The following TANK variants were observed in gnomAD, a reference collection of about 807,000 sequenced individuals.
TANK encodes the protein TRAF family member associated NFKB activator, also known as TRAF family member-associated NF-kappa-B activator.
TANK carries 15 observed loss-of-function variants against 43.6 expected under a neutral mutation model. The ratio of observed to expected loss-of-function variants is 0.34; its 90% CI spans 0.23 to 0.53. The LOEUF (loss-of-function observed/expected upper bound fraction) is 0.53, where lower values mean the gene tolerates loss of function less well. TANK is among the 20% of genes least tolerant of loss of function. The probability of loss-of-function intolerance (pLI) is 0.94; values close to 1 mark genes in which losing one functional copy is unlikely to be tolerated. For missense variants in TANK, 417 were observed against 498.6 expected (o/e 0.84, Z 1.56); for synonymous variants, 162 against 178.2 (o/e 0.91, Z 0.73).
chr2:161,222,008 A>G (rs1368212158), intron 4 of TANK, among the ~76,000 whole-genome samples: 1 of 152,078 alleles, frequency 6.6e-6, no homozygotes. Context: ...ATCAAATCCA[A>G]ACATCACAGA....
intron 4 of TANK, chr2:161,216,295 C>G: frequency 2.3e-6 from 1 of 427,768 alleles, no homozygotes. Context: ...GTCTGCTAGA[C>G]GGCCAAATGG....
At position 161,231,122 on chromosome 2, in the gene TANK, C is replaced by T; in HGVS notation, c.672C>T (p.Thr224=). Residue 224 remains threonine (T), a synonymous_variant, in exon 7 of 8, where the codon ACC becomes ACT. Coordinates refer to ENST00000392749, the MANE Select transcript of TANK (RefSeq NM_001199135.3). ...GACTGTGCAGAGATGAGGAAGACAC[C>T]TCTTTTGAATCACTTTCTAAATTCA... ...PRGLCRDEED[T]SFESLSKFNV... The T allele has an allele frequency of 6.2e-7, 1 of 1,614,064 alleles. No individual in the cohort carries two copies.
chr2:161,159,153 A>G (rs997158040), upstream of TANK: 8 of 152,202 alleles, frequency 5.3e-5, no homozygotes, highest in Non-Finnish European at 1.2e-4. Flanking sequence ...ACAAAACTAA[A>G]CATTCTCTTA....
chr2:161,211,810 T>A, intron 4 of TANK: 1 of 985,358 alleles, frequency 1.0e-6, no homozygotes. Context: ...GAGAAAAACG[T>A]GTTTGTGTGT....
intron 2 of TANK, among the ~76,000 whole-genome samples, chr2:161,193,393 G>C (rs1313039233): frequency 6.6e-6 from 1 of 152,184 alleles, no homozygotes; most frequent in Non-Finnish European, 1.5e-5. Context: ...ATTACAGAGA[G>C]ACTAAGAAAT....
At chr2:161,148,803 C>T (rs1023233123) in intron 1 of TANK, among the ~76,000 whole-genome samples, 8 of 151,920 alleles carry the variant, frequency 5.3e-5, no homozygotes, top group African/African-American at 1.5e-4. Flanking sequence ...GTCTTGGCAC[C>T]CTTATAAGTG....
chr2:161,214,901 G>T (rs1687051386), intron 4 of TANK, among the ~76,000 whole-genome samples: 1 of 152,180 alleles, frequency 6.6e-6, no homozygotes, highest in African/African-American at 2.4e-5. Context: ...GCTTATACAT[G>T]CAATGGTTAC....
chr2:161,156,248 T>A (rs1454617018), upstream of TANK: 8 of 985,324 alleles, frequency 8.1e-6, no homozygotes, highest in Non-Finnish European at 9.6e-6. Context: ...GCTTTTACTC[T>A]AATCATTGAT....
rs187627446 is a variant in TANK at position 161,224,592 on chromosome 2, T to C, written c.405-39T>C. ...TTGATTATTTAAAAAACTTGGAAGT[T>C]ATAGCTTTACATTTTAAAATGTTGA... is the stretch of plus-strand genomic sequence containing the variant. On this transcript the variant is annotated intron_variant, in intron 5 of 7. Coordinates refer to ENST00000392749, the MANE Select transcript of TANK (RefSeq NM_001199135.3). 1.5e-3 allele frequency: 1,525 copies of C among 1,023,394 alleles called. 15 individuals are homozygous for C. The highest frequency in any genetic ancestry group is 0.011 in the South Asian group (575 of 54,190). The allele number at this position is 1,023,394 out of a possible 1,614,324, so 63.4% of individuals were successfully genotyped here.
chr2:161,200,321 GA>G, intron 2 of TANK: 1 of 981,664 alleles, frequency 1.0e-6, no homozygotes, highest in Non-Finnish European at 1.2e-6. Context: ...AAAATACTAT[GA>G]CTGTGCAACA....
At chr2:161,185,057 G>A (rs973496142) in intron 2 of TANK, among the ~76,000 whole-genome samples, 3 of 152,116 alleles carry the variant, frequency 2.0e-5, no homozygotes, top group Non-Finnish European at 4.4e-5. Flanking sequence ...TCAGAACATA[G>A]GTTAAGCAAT....
At chr2:161,182,257 A>G (rs1002522233) in intron 2 of TANK, among the ~76,000 whole-genome samples, 3 of 152,074 alleles carry the variant, frequency 2.0e-5, no homozygotes, top group African/African-American at 7.2e-5. Flanking sequence ...ATGTCTTCCA[A>G]TTCAGTTCCA....
Position 161,231,230 on chromosome 2 carries a change from G to A in TANK, c.780G>A (p.Thr260=), listed in dbSNP as rs142460004. 49 of 1,613,850 alleles carry A rather than the reference G, an allele frequency of 3.0e-5. No individual in the cohort carries two copies. Among genetic ancestry groups the A allele is most frequent in the African/African-American group, 1.2e-4 (9 of 74,906 alleles). The change falls in exon 7 of 8, where the codon ACG becomes ACA. Residue 260 remains threonine (T), a synonymous_variant. Transcript: ENST00000392749. The part of the protein sequence containing the change: ...PERPGILSPA[T]SEAVCQEKFN... ...GACCCGGCATCCTTAGTCCTGCCACGTCTGAGGCAGTGTGCCAAGAGAAAT... is the reference window on the plus strand; with the variant it reads ...GACCCGGCATCCTTAGTCCTGCCACATCTGAGGCAGTGTGCCAAGAGAAAT...
intron 1 of TANK, among the ~76,000 whole-genome samples, chr2:161,175,333 C>G (rs1399230582): frequency 6.6e-6 from 1 of 152,078 alleles, no homozygotes; most frequent in African/African-American, 2.4e-5. Flanking sequence ...TAATCTAGTT[C>G]ATAACACAGC....
intron 2 of TANK, among the ~76,000 whole-genome samples, chr2:161,196,615 C>T (rs1395390160): frequency 6.6e-6 from 1 of 151,958 alleles, no homozygotes; most frequent in East Asian, 1.9e-4. Flanking sequence ...AGCACTATGG[C>T]AGGCCGAGGC....
chr2:161,212,772 A>C, intron 4 of TANK: 1 of 985,280 alleles, frequency 1.0e-6, no homozygotes, highest in Non-Finnish European at 1.2e-6. Context: ...TTGGCCAAGG[A>C]ATGAAAGGCT....
chr2:161,168,664 C>G (rs761583142), intron 1 of TANK, among the ~76,000 whole-genome samples: 1 of 152,204 alleles, frequency 6.6e-6, no homozygotes, highest in Non-Finnish European at 1.5e-5. Context: ...GAAACCCCGT[C>G]TCTACTAAAA....
chr2:161,156,597 T>C (rs1405899577), upstream of TANK, among the ~76,000 whole-genome samples: 2 of 152,248 alleles, frequency 1.3e-5, no homozygotes, highest in African/African-American at 4.8e-5. Context: ...CCAAGCCTTG[T>C]GTCAACCTTA....
intron 7 of TANK, among the ~76,000 whole-genome samples, chr2:161,233,674 T>C (rs1477115901): frequency 2.6e-5 from 4 of 152,122 alleles, no homozygotes; most frequent in East Asian, 1.9e-4. Flanking sequence ...AAGTTCTTAA[T>C]AGAGAAAAAT....
Sources: gnomAD v4.1 joint callset for allele counts (sites outside exome capture counted in the v4.1 genomes callset) on GRCh38, gnomAD v4.1.1 for gene constraint, MANE v1.5 for transcripts, NCBI Gene and HGNC (gene_info 2026-07-23, HGNC 2026-07-21) for gene names.